The following COL4A4 variants were observed in gnomAD, a reference collection of about 807,000 sequenced individuals.
COL4A4 encodes the protein collagen type IV alpha 4 chain.
In COL4A4, 105 loss-of-function variants were observed where a neutral mutation model predicts 192.9. The observed-to-expected ratio is 0.54, with a 90% CI of 0.46 to 0.64. The LOEUF is 0.64. Among genes scored for constraint, COL4A4 ranks in the 30% least tolerant of loss-of-function variants. The pLI is 0.00. For synonymous variants in COL4A4, 762 were observed against 769.9 expected (o/e 0.99, Z 0.17); for missense variants, 1,967 against 2,169.3 (o/e 0.91, Z 1.85).
chr2:227,027,630 T>C (rs1235895199), intron 42 of COL4A4, among the ~76,000 whole-genome samples: 2 of 123,804 alleles, frequency 1.6e-5, no homozygotes. Context: ...ACTTAAAGTA[T>C]AATAAAAAAT....
intron 7 of COL4A4, among the ~76,000 whole-genome samples, chr2:227,116,330 A>G (rs1233052167): frequency 6.6e-6 from 1 of 152,166 alleles, no homozygotes; most frequent in Non-Finnish European, 1.5e-5. Flanking sequence ...AAACTTTAAG[A>G]TCAGAAGGAT....
chr2:227,121,952 A>C (rs928771274), intron 4 of COL4A4, among the ~76,000 whole-genome samples: 15 of 152,248 alleles, frequency 9.9e-5, no homozygotes, highest in African/African-American at 3.6e-4. Flanking sequence ...TATTTACTTC[A>C]AATAACTAAT....
chr2:226,981,373 A>G, the COL4A4 span, among the ~76,000 whole-genome samples: 1 of 151,900 alleles, frequency 6.6e-6, no homozygotes, highest in Non-Finnish European at 1.5e-5. Context: ...AATAAAAAAT[A>G]AATAAATAAA....
At chr2:227,119,774 TAA>T (rs1168615185) in intron 6 of COL4A4, 119 bp downstream of exon 6, 5 of 401,648 alleles carry the variant, frequency 1.2e-5, no homozygotes, top group Non-Finnish European at 2.2e-5. Context: ...TTGCTATATA[TAA>T]TATATATATT....
chr2:227,028,844 A>AG lies in COL4A4; in HGVS notation c.3974-836_3974-835insC, dbSNP rs1378555071. ...ATAATTTTTTAATTTTTTTGTAGAG[A>AG]TGGGGGTCTCACTGTGTTGCCCAGG... On this transcript the variant is annotated intron_variant, in intron 41 of 47. Transcript: ENST00000396625. 1.5e-3 allele frequency among the ~76,000 whole-genome samples: 220 copies of AG among 151,636 alleles called. 2 individuals are homozygous for AG. Among genetic ancestry groups the AG allele is most frequent in the African/African-American group, 5.0e-3 (207 of 41,286 alleles).
At chr2:227,115,474 A>G (rs191637436) in intron 7 of COL4A4, among the ~76,000 whole-genome samples, 5,245 of 151,680 alleles carry the variant, frequency 0.035, 290 homozygotes, top group African/African-American at 0.12. Context: ...GGGTTTCACC[A>G]TGTTAGCCAG....
chr2:227,041,846 A>AGAGAGAG (rs1971273307), intron 37 of COL4A4, among the ~76,000 whole-genome samples: 20 of 39,320 alleles, frequency 5.1e-4, no homozygotes, highest in Admixed American at 1.5e-3. Context: ...GAAAGAAAGA[A>AGAGAGAG]AGAGAAAGAA....
intron 37 of COL4A4, among the ~76,000 whole-genome samples, chr2:227,034,505 C>T (rs1383167078): frequency 6.6e-6 from 1 of 151,816 alleles, no homozygotes; most frequent in Admixed American, 6.6e-5. Flanking sequence ...GGAAAACTTC[C>T]TATCTCATCA....
rs571439777 is a variant in COL4A4, at chr2:227,047,020, G to A, written c.3289+455C>T. Among the ~76,000 whole-genome samples the A allele has an allele frequency of 8.5e-5, 13 of 152,134 alleles. No individual in the cohort carries two copies. In the South Asian group the frequency reaches 1.9e-3, roughly 22 times the overall value. On this transcript the variant is annotated intron_variant, in intron 35 of 47. Coordinates refer to ENST00000396625, the MANE Select transcript of COL4A4 (RefSeq NM_000092.5). ...ATAGATTCAATGATGGCTCAACAAT[G>A]GCGCACCACTTACACTGGCATGTGC... is the stretch of plus-strand genomic sequence containing the variant.
intron 35 of COL4A4, among the ~76,000 whole-genome samples, chr2:227,046,848 G>C (rs983034493): frequency 1.3e-5 from 2 of 151,968 alleles, no homozygotes; most frequent in Admixed American, 6.6e-5. Flanking sequence ...ACTGTCACAA[G>C]AACTCAATGG....
chr2:227,124,444 C>A (rs145649384), intron 4 of COL4A4, among the ~76,000 whole-genome samples: 72 of 152,308 alleles, frequency 4.7e-4, no homozygotes, highest in Non-Finnish European at 9.4e-4. Context: ...GATTGACAAC[C>A]TTTAACATCT....
At chr2:227,062,309 G>A (rs1272983771) in intron 26 of COL4A4, among the ~76,000 whole-genome samples, 2 of 151,654 alleles carry the variant, frequency 1.3e-5, no homozygotes, top group Non-Finnish European at 2.9e-5. Context: ...AAATTTTATT[G>A]TACAAAGATT....
At chr2:227,062,636 A>T (rs1977423306) in intron 25 of COL4A4, 38 bp from the exon 26 acceptor site, 1 of 1,398,846 alleles carries the variant, frequency 7.1e-7, no homozygotes, top group African/African-American at 1.4e-5. Flanking sequence ...CACATAACTG[A>T]TAGCCCAGTG....
the COL4A4 span, among the ~76,000 whole-genome samples, chr2:226,969,989 T>TCC: frequency 0.017 from 1,940 of 111,914 alleles, 35 homozygotes; most frequent in African/African-American, 0.05. Context: ...TTTACAACTG[T>TCC]CCCCCCCCCC....
At chr2:227,134,572 A>G (rs775275192) in intron 4 of COL4A4, among the ~76,000 whole-genome samples, 22 of 152,346 alleles carry the variant, frequency 1.4e-4, no homozygotes, top group South Asian at 1.2e-3. Context: ...GAGTTCTAGA[A>G]CTTTGAGTGC....
intron 37 of COL4A4, among the ~76,000 whole-genome samples, chr2:227,037,128 C>T (rs1969843134): frequency 6.6e-6 from 1 of 152,102 alleles, no homozygotes; most frequent in African/African-American, 2.4e-5. Context: ...GATACATGTA[C>T]AGAATGTGCA....
chr2:227,037,748 G>A (rs1969971121), intron 37 of COL4A4, among the ~76,000 whole-genome samples: 2 of 150,742 alleles, frequency 1.3e-5, no homozygotes, highest in Admixed American at 1.3e-4. Flanking sequence ...TCCAGCAACT[G>A]TTGTTTCCTG....
intron 43 of COL4A4, among the ~76,000 whole-genome samples, chr2:227,025,204 C>T (rs1966766727): frequency 6.6e-6 from 1 of 152,188 alleles, no homozygotes; most frequent in Non-Finnish European, 1.5e-5. Context: ...AGAACAAATG[C>T]AGGCATTCAC....
chr2:226,992,247 G>A, the COL4A4 span, among the ~76,000 whole-genome samples: 6 of 152,312 alleles, frequency 3.9e-5, no homozygotes, highest in Non-Finnish European at 5.9e-5. Flanking sequence ...TGGCTCCAAC[G>A]CAGAGCACAC....
Sources: gnomAD v4.1 joint callset for allele counts (sites outside exome capture counted in the v4.1 genomes callset) on GRCh38, gnomAD v4.1.1 for gene constraint, MANE v1.5 for transcripts, NCBI Gene and HGNC (gene_info 2026-07-23, HGNC 2026-07-21) for gene names.